RBFOX1: variants seen among roughly 807,000 people sequenced by gnomAD.
The protein encoded by RBFOX1 is RNA binding fox-1 homolog 1, also known as RNA binding protein fox-1 homolog 1.
RBFOX1 carries 8 observed loss-of-function variants against 57.7 expected under a neutral mutation model. The ratio of observed to expected loss-of-function variants is 0.14; its 90% CI spans 0.08 to 0.25. The LOEUF is 0.25. Among genes scored for constraint, RBFOX1 ranks in the 10% least tolerant of loss-of-function variants. RBFOX1 has a pLI of 1.00. For missense variants in RBFOX1, 611 were observed against 548.5 expected (o/e 1.11, Z -1.14); for synonymous variants, 326 against 222.4 (o/e 1.47, Z -4.15).
intron 1 of RBFOX1, among the ~76,000 whole-genome samples, chr16:5,313,531 TAAAG>T (rs751082996): frequency 1.3e-5 from 2 of 152,040 alleles, no homozygotes; most frequent in Non-Finnish European, 2.9e-5. Context: ...ATGCTGCTGA[TAAAG>T]ACTTACCCGA....
At chr16:7,305,815 A>G (rs2096168551) in intron 4 of RBFOX1, among the ~76,000 whole-genome samples, 1 of 152,196 alleles carries the variant, frequency 6.6e-6, no homozygotes, top group South Asian at 2.1e-4. Context: ...ATATTATTTT[A>G]TTACGTTCAT....
intron 4 of RBFOX1, among the ~76,000 whole-genome samples, chr16:7,246,081 T>G (rs1035794092): frequency 2.0e-5 from 3 of 151,696 alleles, no homozygotes; most frequent in African/African-American, 7.3e-5. Context: ...TGTTTTTACT[T>G]TTATCTAAGC....
intron 3 of RBFOX1, among the ~76,000 whole-genome samples, chr16:6,946,759 T>A (rs1286697772): frequency 1.3e-5 from 2 of 152,092 alleles, no homozygotes; most frequent in Non-Finnish European, 2.9e-5. Context: ...CACTCCACTC[T>A]GCCCAACTAA....
At chr16:7,525,140 A>G (rs879587251) in intron 5 of RBFOX1, among the ~76,000 whole-genome samples, 1 of 152,052 alleles carries the variant, frequency 6.6e-6, no homozygotes, top group Non-Finnish European at 1.5e-5. Context: ...CTCTATCTCT[A>G]TCATCTGTCT....
intron 2 of RBFOX1, among the ~76,000 whole-genome samples, chr16:5,480,431 G>A (rs60647449): frequency 0.35 from 53,331 of 151,022 alleles, 10,399 homozygotes; most frequent in South Asian, 0.55. Flanking sequence ...CAAAAATACA[G>A]ACAAGTATTA....
chr16:7,441,731 C>T (rs1300438906), intron 4 of RBFOX1, among the ~76,000 whole-genome samples: 3 of 152,218 alleles, frequency 2.0e-5, no homozygotes, highest in Admixed American at 2.0e-4. Context: ...ACTTCACCCA[C>T]CAGCTGGAGC....
intron 1 of RBFOX1, among the ~76,000 whole-genome samples, chr16:5,287,008 T>C (rs2063411691): frequency 6.6e-6 from 1 of 152,218 alleles, no homozygotes; most frequent in Admixed American, 6.5e-5. Context: ...ATAGGGTTTC[T>C]ATTTAAAAAG....
intron 1 of RBFOX1, among the ~76,000 whole-genome samples, chr16:6,060,995 T>G (rs1397632402): frequency 6.6e-6 from 1 of 152,176 alleles, no homozygotes; most frequent in African/African-American, 2.4e-5. Context: ...ATGCATTCAT[T>G]TACAGTTACT....
chr16:7,569,629 G>C (rs2092562930), intron 5 of RBFOX1, among the ~76,000 whole-genome samples: 1 of 152,182 alleles, frequency 6.6e-6, no homozygotes, highest in Non-Finnish European at 1.5e-5. Context: ...CCAGGTATTA[G>C]AACCTTAACA....
At chr16:5,864,036 T>C (rs1423570252) in intron 3 of RBFOX1, among the ~76,000 whole-genome samples, 1 of 152,208 alleles carries the variant, frequency 6.6e-6, no homozygotes, top group Admixed American at 6.5e-5. Context: ...TTATTTTTCG[T>C]GATCCTCCCC....
intron 4 of RBFOX1, among the ~76,000 whole-genome samples, chr16:7,508,930 A>G (rs1277724718): frequency 6.6e-6 from 1 of 152,350 alleles, no homozygotes; most frequent in Admixed American, 6.5e-5. Context: ...GGGACTCTCA[A>G]AACCTCTCCC....
At chr16:6,409,490 A>G (rs550354569) in intron 2 of RBFOX1, among the ~76,000 whole-genome samples, 2 of 152,342 alleles carry the variant, frequency 1.3e-5, no homozygotes, top group Non-Finnish European at 2.9e-5. Flanking sequence ...TCCATTTGAA[A>G]GTTAAGATGC....
At position 5,903,456 on chromosome 16, in the gene RBFOX1, C is replaced by T. The variant is rs111911943; in HGVS notation, c.351+36121C>T. On this transcript the variant is annotated intron_variant, in intron 4 of 19. Coordinates refer to the RBFOX1 transcript ENST00000641259. ...TGCAAAAGGGGGCATTTATGGGGTA[C>T]AGTTGCTGTGTGCTCCTCTTTCTCA... Among the ~76,000 whole-genome samples the T allele has an allele frequency of 5.6e-3, 853 of 152,214 alleles. 11 individuals are homozygous for T. Among genetic ancestry groups the T allele is most frequent in the African/African-American group, 0.02 (815 of 41,518 alleles).
intron 1 of RBFOX1, among the ~76,000 whole-genome samples, chr16:5,310,865 T>A (rs2064068778): frequency 1.3e-5 from 2 of 152,212 alleles, no homozygotes; most frequent in African/African-American, 4.8e-5. Flanking sequence ...TTTCAATAGC[T>A]TTTGGAGTCT....
chr16:5,267,518 A>C (rs1191159776), intron 1 of RBFOX1, among the ~76,000 whole-genome samples: 1 of 150,974 alleles, frequency 6.6e-6, no homozygotes, highest in Non-Finnish European at 1.5e-5. Context: ...GGCTGGTCTC[A>C]AACTCCTGGC....
chr16:7,200,741 A>G (rs557748240), intron 4 of RBFOX1, among the ~76,000 whole-genome samples: 1 of 152,192 alleles, frequency 6.6e-6, no homozygotes, highest in Non-Finnish European at 1.5e-5. Flanking sequence ...CCCCATTAAG[A>G]TGGCAGTGAA....
chr16:7,471,284 C>G (rs1169647123), intron 4 of RBFOX1, among the ~76,000 whole-genome samples: 1 of 152,160 alleles, frequency 6.6e-6, no homozygotes, highest in Admixed American at 6.5e-5. Flanking sequence ...CTATTTCCAA[C>G]AGAACTGCAA....
At chr16:5,309,967 C>T (rs1482886461) in intron 1 of RBFOX1, among the ~76,000 whole-genome samples, 1 of 152,156 alleles carries the variant, frequency 6.6e-6, no homozygotes, top group South Asian at 2.1e-4. Context: ...GCTGCTTGTT[C>T]CTCTCTGTAC....
chr16:7,164,019 G>A (rs1046086428), intron 4 of RBFOX1, among the ~76,000 whole-genome samples: 6 of 152,092 alleles, frequency 3.9e-5, no homozygotes, highest in African/African-American at 1.4e-4. Flanking sequence ...TTGGTTACAC[G>A]AATAAGTTCT....
Sources: allele counts gnomAD v4.1 joint callset (sites outside exome capture counted in the v4.1 genomes callset), GRCh38; gene constraint gnomAD v4.1.1; transcripts MANE v1.5; gene names NCBI Gene and HGNC (gene_info 2026-07-23, HGNC 2026-07-21).